Variants in TRAPPC9 observed in about 807,000 individuals in gnomAD.
The protein encoded by TRAPPC9 is IKK2 binding protein.
TRAPPC9 carries 83 observed loss-of-function variants against 124.0 expected under a neutral mutation model. That is an observed-to-expected ratio of 0.67 (90% CI 0.56 to 0.80). The LOEUF is 0.80. TRAPPC9 is among the 30% of genes least tolerant of loss of function. The pLI is 0.00. For synonymous variants in TRAPPC9, 638 were observed against 617.5 expected (o/e 1.03, Z -0.49); for missense variants, 1,302 against 1,508.3 (o/e 0.86, Z 2.27).
At chr8:139,864,449 G>A (rs937040952) in intron 21 of TRAPPC9, among the ~76,000 whole-genome samples, 3 of 152,320 alleles carry the variant, frequency 2.0e-5, no homozygotes, top group East Asian at 1.9e-4. Flanking sequence ...TTTTTAGCAC[G>A]TCATATCTTT....
chr8:140,280,250 G>C (rs990860209), intron 14 of TRAPPC9, among the ~76,000 whole-genome samples: 2 of 152,212 alleles, frequency 1.3e-5, no homozygotes, highest in Non-Finnish European at 2.9e-5. Context: ...CCAGGCCCGG[G>C]AAGTCCTGGT....
intron 20 of TRAPPC9, among the ~76,000 whole-genome samples, chr8:139,891,000 C>T (rs917022102): frequency 4.6e-5 from 7 of 152,282 alleles, no homozygotes; most frequent in African/African-American, 1.7e-4. Flanking sequence ...TCTCCATTCC[C>T]CTACCCTGTC....
intron 21 of TRAPPC9, among the ~76,000 whole-genome samples, chr8:139,814,782 T>C (rs955945750): frequency 5.3e-5 from 8 of 152,086 alleles, no homozygotes; most frequent in Non-Finnish European, 8.8e-5. Flanking sequence ...AGGGTTGCTA[T>C]CCTAAAAAAC....
chr8:139,863,718 G>A (rs932150474), intron 21 of TRAPPC9, among the ~76,000 whole-genome samples: 8 of 152,218 alleles, frequency 5.3e-5, no homozygotes, highest in African/African-American at 1.9e-4. Flanking sequence ...TGCTCAACAC[G>A]TCAACGTGGG....
intron 17 of TRAPPC9, among the ~76,000 whole-genome samples, chr8:140,151,879 C>G (rs1645462860): frequency 6.6e-6 from 1 of 152,220 alleles, no homozygotes; most frequent in Admixed American, 6.5e-5. Flanking sequence ...CTCTCTCCTA[C>G]TTCTAGATGT....
intron 9 of TRAPPC9, among the ~76,000 whole-genome samples, chr8:140,328,293 A>G (rs1448668395): frequency 6.6e-6 from 1 of 152,142 alleles, no homozygotes; most frequent in Non-Finnish European, 1.5e-5. Context: ...AATAACAATA[A>G]TTTAAAATAA....
intron 21 of TRAPPC9, among the ~76,000 whole-genome samples, chr8:139,800,878 C>T (rs956558227): frequency 2.0e-5 from 3 of 148,806 alleles, no homozygotes; most frequent in Admixed American, 1.3e-4. Context: ...CTCCCTCCCT[C>T]TGGTATCTTC....
intron 21 of TRAPPC9, among the ~76,000 whole-genome samples, chr8:139,806,656 A>AG (rs1824084174): frequency 6.8e-6 from 1 of 147,636 alleles, no homozygotes; most frequent in East Asian, 1.9e-4. Context: ...GGCTCCTTGA[A>AG]CTGCCTGATA....
chr8:140,157,844 T>C (rs2061681681), intron 17 of TRAPPC9, among the ~76,000 whole-genome samples: 1 of 152,232 alleles, frequency 6.6e-6, no homozygotes, highest in Non-Finnish European at 1.5e-5. Flanking sequence ...TATATTCTTC[T>C]AGACATTTTT....
At chr8:139,824,761 C>T (rs560555711) in intron 21 of TRAPPC9, among the ~76,000 whole-genome samples, 36 of 152,180 alleles carry the variant, frequency 2.4e-4, no homozygotes, top group South Asian at 1.2e-3. Flanking sequence ...TGTGGTTTTG[C>T]CATGTTGGCA....
intron 21 of TRAPPC9, among the ~76,000 whole-genome samples, chr8:139,804,236 C>CCCA (rs1208609500): frequency 1.4e-5 from 2 of 138,304 alleles, no homozygotes; most frequent in Admixed American, 1.5e-4. Context: ...ATCACCACCA[C>CCCA]CCACCACCAC....
chr8:140,299,027 T>C (rs1032010902), intron 11 of TRAPPC9, among the ~76,000 whole-genome samples: 1 of 151,958 alleles, frequency 6.6e-6, no homozygotes, highest in African/African-American at 2.4e-5. Context: ...CCGCTAGAGA[T>C]GGTGGGAGGA....
intron 17 of TRAPPC9, among the ~76,000 whole-genome samples, chr8:140,122,008 T>C (rs1228783431): frequency 4.2e-5 from 6 of 144,370 alleles, no homozygotes; most frequent in African/African-American, 1.7e-4. Flanking sequence ...GGAGTCCATC[T>C]CTTTCTTTCT....
At chr8:140,387,003 A>G (rs1454409268) in intron 7 of TRAPPC9, among the ~76,000 whole-genome samples, 1 of 152,242 alleles carries the variant, frequency 6.6e-6, no homozygotes, top group African/African-American at 2.4e-5. Context: ...AGCCCTCAGA[A>G]ATAATACCAC....
chr8:140,375,297 A>G (rs1378664932), intron 7 of TRAPPC9, among the ~76,000 whole-genome samples: 5 of 152,170 alleles, frequency 3.3e-5, no homozygotes, highest in Non-Finnish European at 5.9e-5. Context: ...GTCCAAGTTC[A>G]GGGCCCAGAT....
At chr8:139,881,458 C>G (rs2131091789) in intron 21 of TRAPPC9, among the ~76,000 whole-genome samples, 1 of 152,290 alleles carries the variant, frequency 6.6e-6, no homozygotes, top group East Asian at 1.9e-4. Context: ...ACCCTTTATA[C>G]CACCTGAGCT....
intron 21 of TRAPPC9, among the ~76,000 whole-genome samples, chr8:139,816,411 A>G (rs1279290104): frequency 6.6e-6 from 1 of 152,158 alleles, no homozygotes; most frequent in Non-Finnish European, 1.5e-5. Context: ...GCAGATTTAG[A>G]GCAATGCTGG....
At chr8:139,754,123 T>C (rs567220438) in intron 21 of TRAPPC9, among the ~76,000 whole-genome samples, 27 of 152,140 alleles carry the variant, frequency 1.8e-4, no homozygotes, top group Non-Finnish European at 3.2e-4. Context: ...GCAGCCACCA[T>C]TAGATTGAAA....
At chr8:139,917,167 C>CTTTTTTTTTCTTTTTT (rs1832196198) in intron 19 of TRAPPC9, among the ~76,000 whole-genome samples, 1 of 99,926 alleles carries the variant, frequency 1.0e-5, no homozygotes, top group Non-Finnish European at 1.8e-5. Flanking sequence ...TTATTATTTT[C>CTTTTTTTTTCTTTTTT]TTTTTTTTTT....
Sources: gnomAD v4.1 joint callset for allele counts (sites outside exome capture counted in the v4.1 genomes callset) on GRCh38, gnomAD v4.1.1 for gene constraint, MANE v1.5 for transcripts, NCBI Gene and HGNC (gene_info 2026-07-23, HGNC 2026-07-21) for gene names.